Variants in NCK2 observed in about 807,000 individuals in gnomAD.
NCK2 encodes cytoplasmic protein NCK2.
A neutral mutation model predicts 33.9 loss-of-function variants in NCK2; 16 were observed. That is an observed-to-expected ratio of 0.47 (90% CI 0.32 to 0.72). The LOEUF (loss-of-function observed/expected upper bound fraction) is 0.72. Ranked by LOEUF, NCK2 falls within the 30% of genes least tolerant of loss-of-function variation. The pLI is 0.03. For synonymous variants in NCK2, 273 were observed against 239.9 expected, an observed-to-expected ratio of 1.14 and a Z score of -1.27; for missense variants, 418 against 537.3, an observed-to-expected ratio of 0.78 and a Z score of 2.19.
chr2:105,777,030 C>G (rs979581278), intron 1 of NCK2, among the ~76,000 whole-genome samples: 1 of 151,832 alleles, frequency 6.6e-6, no homozygotes, highest in Non-Finnish European at 1.5e-5. Context: ...ACTAAGAAAG[C>G]TGCCGCTGTC....
chr2:105,777,847 G>C (rs1468214234), intron 1 of NCK2, among the ~76,000 whole-genome samples: 1 of 152,210 alleles, frequency 6.6e-6, no homozygotes, highest in Non-Finnish European at 1.5e-5. Flanking sequence ...TTGCAGTTCT[G>C]TGCTCGTATT....
At chr2:105,790,891 C>A (rs753372876) in intron 1 of NCK2, among the ~76,000 whole-genome samples, 1 of 152,180 alleles carries the variant, frequency 6.6e-6, no homozygotes, top group Non-Finnish European at 1.5e-5. Flanking sequence ...GGAGGAGAGT[C>A]CTCATCTGCA....
chr2:105,804,359 A>G (rs1674951423), intron 1 of NCK2, among the ~76,000 whole-genome samples: 1 of 152,202 alleles, frequency 6.6e-6, no homozygotes, highest in Non-Finnish European at 1.5e-5. Context: ...TTTTTGCCAG[A>G]TGGTCACTGA....
At chr2:105,865,149 C>G (rs1009276924) in intron 3 of NCK2, among the ~76,000 whole-genome samples, 1 of 152,126 alleles carries the variant, frequency 6.6e-6, no homozygotes, top group African/African-American at 2.4e-5. Flanking sequence ...AAGCCTAAAC[C>G]AAGTCCCCCA....
At chr2:105,868,619 G>A (rs1440532139) in intron 3 of NCK2, among the ~76,000 whole-genome samples, 1 of 152,196 alleles carries the variant, frequency 6.6e-6, no homozygotes, top group South Asian at 2.1e-4. Flanking sequence ...ATGTTTAACC[G>A]GCTGTGCTAA....
intron 1 of NCK2, among the ~76,000 whole-genome samples, chr2:105,783,460 C>T (rs369924010): frequency 2.6e-5 from 4 of 152,134 alleles, no homozygotes; most frequent in African/African-American, 4.8e-5. Flanking sequence ...CTCGATGCAG[C>T]GTTGCCTGTC....
intron 2 of NCK2, among the ~76,000 whole-genome samples, chr2:105,848,904 A>G (rs1380830469): frequency 6.6e-6 from 1 of 152,224 alleles, no homozygotes; most frequent in Non-Finnish European, 1.5e-5. Context: ...TAGGGATGAC[A>G]GTATTTTTCA....
intron 3 of NCK2, among the ~76,000 whole-genome samples, chr2:105,877,079 C>T (rs995648891): frequency 2.6e-5 from 4 of 152,158 alleles, no homozygotes; most frequent in African/African-American, 9.7e-5. Context: ...GCTGAGTCCC[C>T]TAAGCCTGCC....
intron 4 of NCK2, 114 bp downstream of exon 4, chr2:105,882,163 C>G: frequency 8.3e-7 from 1 of 1,197,694 alleles, no homozygotes; most frequent in Non-Finnish European, 1.1e-6. Flanking sequence ...GAGCGGGAGA[C>G]GCAGATGAAT....
At chr2:105,879,376 C>T (rs1678371338) in intron 3 of NCK2, among the ~76,000 whole-genome samples, 1 of 152,226 alleles carries the variant, frequency 6.6e-6, no homozygotes, top group South Asian at 2.1e-4. Context: ...GGCCTGCCTT[C>T]TGGATTGTGG....
chr2:105,801,450 C>T (rs1674836949), intron 1 of NCK2, among the ~76,000 whole-genome samples: 2 of 150,742 alleles, frequency 1.3e-5, no homozygotes, highest in Non-Finnish European at 2.9e-5. Flanking sequence ...AGTCTATTTA[C>T]ACAAAACCAG....
intron 4 of NCK2, among the ~76,000 whole-genome samples, chr2:105,883,086 G>C (rs1678574505): frequency 6.6e-6 from 1 of 152,182 alleles, no homozygotes; most frequent in Non-Finnish European, 1.5e-5. Context: ...CATCGTGGTG[G>C]TGGAAACTGG....
intron 1 of NCK2, among the ~76,000 whole-genome samples, chr2:105,807,747 TTCCCTCCCTCCCTCCCTTCTCTCCC>T (rs1675113457): frequency 4.1e-5 from 1 of 24,396 alleles, no homozygotes; most frequent in Non-Finnish European, 7.8e-5. Context: ...CCTTCCTTCC[TTCCCTCCCTCCCTCCCTTCTCTCCC>T]TCCCTCCCTC....
chr2:105,766,941 A>G (rs990529939), intron 1 of NCK2, among the ~76,000 whole-genome samples: 2 of 152,204 alleles, frequency 1.3e-5, no homozygotes, highest in African/African-American at 4.8e-5. Context: ...GTGTTGGTGA[A>G]ACTCAGGAGT....
chr2:105,761,122 A>C (rs1208139533), intron 1 of NCK2, among the ~76,000 whole-genome samples: 14 of 152,258 alleles, frequency 9.2e-5, no homozygotes. Context: ...CTGTGAGGCC[A>C]TGCTGGTGTG....
intron 1 of NCK2, among the ~76,000 whole-genome samples, chr2:105,757,713 TG>T (rs1416618941): frequency 6.6e-6 from 1 of 152,224 alleles, no homozygotes; most frequent in Non-Finnish European, 1.5e-5. Context: ...TTAACAAGTA[TG>T]GAAAATAACT....
At position 105,757,220 on chromosome 2, in the gene NCK2, A is replaced by G. The variant is rs1689625079; in HGVS notation, c.-201+12082A>G. On this transcript the variant is annotated intron_variant, in intron 1 of 4. Transcript: ENST00000233154. ...GCTACTAATTTGGCTAAAATTGCAT[A>G]GCGAAGTTTTAAACTCTCCTGACCT... Among the ~76,000 whole-genome samples, 3 of 152,314 alleles carry G rather than the reference A, an allele frequency of 2.0e-5. No homozygotes were observed. The Middle Eastern group carries it at 0.01, about 518-fold the overall frequency.
chr2:105,769,375 G>C (rs1290805848), intron 1 of NCK2, among the ~76,000 whole-genome samples: 1 of 150,994 alleles, frequency 6.6e-6, no homozygotes, highest in Non-Finnish European at 1.5e-5. Context: ...TTCTACCCTG[G>C]GTCTGACGAA....
In NCK2 at chr2:105,875,286, T is replaced by C. The variant is rs570383330; in HGVS notation, c.227-6042T>C. Among the ~76,000 whole-genome samples the C allele has an allele frequency of 1.4e-3, 209 of 152,296 alleles. 1 individual carries two copies. The highest frequency in any genetic ancestry group is 2.5e-3 in the Non-Finnish European group (173 of 68,022). The stretch of plus-strand genomic sequence containing the variant: ...CACTCGTCTCATCTGTGGAGCACAC[T>C]GTCAAGCACCCAGGGCCCCTGTGTA... On this transcript the variant is annotated intron_variant, in intron 3 of 4. Transcript: ENST00000233154.
Sources: allele counts gnomAD v4.1 joint callset (sites outside exome capture counted in the v4.1 genomes callset), GRCh38; gene constraint gnomAD v4.1.1; transcripts MANE v1.5; gene names NCBI Gene and HGNC (gene_info 2026-07-23, HGNC 2026-07-21).